GAS2: variants seen among roughly 807,000 people sequenced by gnomAD.
GAS2 encodes the protein growth arrest-specific protein 2.
In GAS2, 20 loss-of-function variants were observed where a neutral mutation model predicts 37.5. That is an observed-to-expected ratio of 0.53 (90% CI 0.37 to 0.77). The LOEUF (loss-of-function observed/expected upper bound fraction) is 0.77, where lower values mean the gene tolerates loss of function less well. GAS2 is among the 30% of genes least tolerant of loss of function. The pLI is 0.00. For missense variants in GAS2, 336 were observed against 373.4 expected (o/e 0.90, Z 0.82); for synonymous variants, 144 against 132.2 (o/e 1.09, Z -0.61).
intron 3 of GAS2, among the ~76,000 whole-genome samples, chr11:22,715,479 A>AAAAAAAAAAG (rs1554973679): frequency 5.5e-5 from 8 of 145,790 alleles, no homozygotes; most frequent in African/African-American, 2.0e-4. Flanking sequence ...AAAAAAAAAA[A>AAAAAAAAAAG]AAAAGAAAAG....
intron 1 of GAS2, chr11:22,626,018 C>G (rs545802685): frequency 1.5e-6 from 1 of 647,294 alleles, no homozygotes; most frequent in African/African-American, 1.8e-5. Flanking sequence ...AGAGGTTCTT[C>G]TTAGTGGAGG....
chr11:22,713,075 AAAAAAG>A (rs1413407246), intron 3 of GAS2, among the ~76,000 whole-genome samples: 3 of 151,386 alleles, frequency 2.0e-5, no homozygotes, highest in African/African-American at 7.3e-5. Context: ...AAAAAAAAAA[AAAAAAG>A]AAAAGAAAAG....
chr11:22,655,654 A>G (rs1049183303), intron 1 of GAS2, among the ~76,000 whole-genome samples: 1 of 152,228 alleles, frequency 6.6e-6, no homozygotes, highest in African/African-American at 2.4e-5. Flanking sequence ...TATAGTTCCT[A>G]CACATAATTT....
chr11:22,737,827 CA>C, intron 5 of GAS2, 59 bp downstream of exon 5: 2 of 1,453,008 alleles, frequency 1.4e-6, no homozygotes, highest in Non-Finnish European at 1.9e-6. Context: ...CCAAGCAACA[CA>C]GAAGCTTGCT....
At chr11:22,634,131 C>T (rs1858786666) in intron 1 of GAS2, among the ~76,000 whole-genome samples, 1 of 152,094 alleles carries the variant, frequency 6.6e-6, no homozygotes, top group South Asian at 2.1e-4. Context: ...CATGGCGGAA[C>T]ATGAAGGAAG....
chr11:22,762,553 A>G (rs902065755), intron 7 of GAS2, among the ~76,000 whole-genome samples: 3 of 152,174 alleles, frequency 2.0e-5, no homozygotes, highest in East Asian at 1.9e-4. Context: ...CTATTCCTCT[A>G]TAAATAATCC....
At chr11:22,765,240 C>A (rs1470206950) in intron 7 of GAS2, among the ~76,000 whole-genome samples, 1 of 151,840 alleles carries the variant, frequency 6.6e-6, no homozygotes, top group Non-Finnish European at 1.5e-5. Flanking sequence ...ACACACACCT[C>A]CATACACGTA....
At position 22,749,218 on chromosome 11, in the gene GAS2, A is replaced by C. The variant is rs765449106; in HGVS notation, c.572A>C (p.Lys191Thr). The C allele has an allele frequency of 6.2e-7, 1 of 1,612,588 alleles. No individual in the cohort carries two copies. Among genetic ancestry groups the C allele is most frequent in the Non-Finnish European group, 8.5e-7 (1 of 1,179,148 alleles). The change falls in exon 6 of 8, where the codon AAG becomes ACG. Residue 191 changes from lysine to threonine, a missense_variant. Coordinates refer to ENST00000454584, the MANE Select transcript of GAS2 (RefSeq NM_001143830.3). Reference sequence around the variant, plus strand: ...TCTCCTTCACCTTCTCCTTCATCAAAGTCTTCTGGAAAAAAGAGTACAGGA... The same window carrying C: ...TCTCCTTCACCTTCTCCTTCATCAACGTCTTCTGGAAAAAAGAGTACAGGA... ...APSPSPSPSS[K>T]SSGKKSTGNL...
At chr11:22,671,757 T>C (rs1470157837) in intron 1 of GAS2, among the ~76,000 whole-genome samples, 1 of 152,140 alleles carries the variant, frequency 6.6e-6, no homozygotes, top group Non-Finnish European at 1.5e-5. Context: ...GATCTTTTTA[T>C]GGGAATAAGA....
At chr11:22,795,570 A>G (rs1856387730) in intron 7 of GAS2, among the ~76,000 whole-genome samples, 1 of 152,186 alleles carries the variant, frequency 6.6e-6, no homozygotes, top group South Asian at 2.1e-4. Flanking sequence ...AAGAATATCT[A>G]GAGTGGATCT....
chr11:22,665,123 T>G (rs988843179), upstream of GAS2, among the ~76,000 whole-genome samples: 3 of 152,158 alleles, frequency 2.0e-5, no homozygotes, highest in Middle Eastern at 3.2e-3. Flanking sequence ...GCATTGTTCC[T>G]GAATCAACAA....
intron 1 of GAS2, among the ~76,000 whole-genome samples, chr11:22,674,215 ATT>A (rs10532254): frequency 0.63 from 94,290 of 150,708 alleles, 30,619 homozygotes; most frequent in East Asian, 0.82. Flanking sequence ...CTATTTTTTT[ATT>A]TTTTTTTTTT....
At chr11:22,671,893 A>G (rs184562965) in intron 1 of GAS2, among the ~76,000 whole-genome samples, 2 of 152,270 alleles carry the variant, frequency 1.3e-5, no homozygotes, top group East Asian at 3.9e-4. Flanking sequence ...CATGTTTCGT[A>G]TTCATGGATT....
intron 3 of GAS2, among the ~76,000 whole-genome samples, chr11:22,698,684 C>G (rs337462): frequency 2.0e-5 from 3 of 151,030 alleles, no homozygotes; most frequent in Non-Finnish European, 2.9e-5. Context: ...ATCAAGTGGG[C>G]TTCATCCCTG....
intron 7 of GAS2, among the ~76,000 whole-genome samples, chr11:22,804,857 A>G (rs1856815767): frequency 6.6e-6 from 1 of 152,112 alleles, no homozygotes; most frequent in African/African-American, 2.4e-5. Flanking sequence ...GACCAAAACT[A>G]AAAGGATCAC....
intron 4 of GAS2, among the ~76,000 whole-genome samples, chr11:22,727,315 A>G (rs1337982150): frequency 6.6e-6 from 1 of 152,096 alleles, no homozygotes; most frequent in Admixed American, 6.6e-5. Context: ...AATCAATTTA[A>G]TAGGTCATAT....
chr11:22,731,679 A>T (rs1484425062), intron 4 of GAS2, among the ~76,000 whole-genome samples: 1 of 151,818 alleles, frequency 6.6e-6, no homozygotes, highest in African/African-American at 2.4e-5. Context: ...TGCATCAGAA[A>T]AAGAATCTAT....
intron 7 of GAS2, among the ~76,000 whole-genome samples, chr11:22,789,367 TAC>T (rs1855997045): frequency 9.4e-6 from 1 of 106,540 alleles, no homozygotes; most frequent in East Asian, 2.7e-4. Flanking sequence ...CATACACATA[TAC>T]ACATATATAT....
upstream of GAS2, among the ~76,000 whole-genome samples, chr11:22,663,287 C>G (rs1013566494): frequency 6.6e-6 from 1 of 151,906 alleles, no homozygotes; most frequent in Non-Finnish European, 1.5e-5. Context: ...AGAGCCAAAC[C>G]ATATCAGTGG....
Sources: gnomAD v4.1 joint callset for allele counts (sites outside exome capture counted in the v4.1 genomes callset) on GRCh38, gnomAD v4.1.1 for gene constraint, MANE v1.5 for transcripts, NCBI Gene and HGNC (gene_info 2026-07-23, HGNC 2026-07-21) for gene names.